Variants in TRIP6 observed in about 807,000 individuals in gnomAD.
The protein encoded by TRIP6 is thyroid hormone receptor interactor 6.
TRIP6 carries 33 observed loss-of-function variants against 51.9 expected under a neutral mutation model. The observed-to-expected ratio is 0.64, with a 90% confidence interval of 0.48 to 0.85. The LOEUF is 0.85. Ranked by LOEUF, TRIP6 falls within the 40% of genes least tolerant of loss-of-function variation. The probability of loss-of-function intolerance (pLI) is 0.00; values close to 1 mark genes in which losing one functional copy is unlikely to be tolerated. For missense variants in TRIP6, 661 were observed against 652.1 expected (o/e 1.01, Z -0.15); for synonymous variants, 255 against 275.8 (o/e 0.92, Z 0.75).
In TRIP6 at chr7:100,871,857, A is replaced by T. The variant is rs1815278917; in HGVS notation, c.1178+136A>T. On this transcript the variant is annotated intron_variant, in intron 7 of 8. Coordinates refer to ENST00000200457, the MANE Select transcript of TRIP6 (RefSeq NM_003302.3). The stretch of plus-strand genomic sequence containing the variant: ...TCTTTGTTATTGTTATTTTTTAGAG[A>T]CGGAGTTTCACTCTGTTGCCCAGGC... 27 of 1,178,964 alleles carry T rather than the reference A, an allele frequency of 2.3e-5. No individual in the cohort carries two copies. In the South Asian group the frequency reaches 4.2e-4, roughly 18 times the overall value. The allele number at this position is 1,178,964 out of a possible 1,614,324, so 73.0% of individuals were successfully genotyped here.
At chr7:100,872,383 G>A (rs528570314) in intron 7 of TRIP6, among the ~76,000 whole-genome samples, 127 of 152,024 alleles carry the variant, frequency 8.4e-4, no homozygotes, top group Non-Finnish European at 1.1e-3. Context: ...TGCCTAGGCT[G>A]GTCTTGAACG....
At position 100,868,691 on chromosome 7, in the gene TRIP6, G is replaced by T. The variant is rs1815203726; in HGVS notation, c.560G>T (p.Gly187Val). The T allele has an allele frequency of 6.2e-7, 1 of 1,600,324 alleles. No homozygotes were observed. Among genetic ancestry groups the T allele is most frequent in the South Asian group, 1.1e-5 (1 of 90,032 alleles). Residue 187 changes from glycine to valine, a missense_variant, in exon 4 of 9, where the codon GGA becomes GTA. Transcript: ENST00000200457. ...PVRGCGPPRRGASQASGPLPG... is the reference protein window; with the variant it reads ...PVRGCGPPRRVASQASGPLPG... ...AGGGGCTGCGGCCCACCCAGGCGGG[G>T]AGCCTCTCAGGCCTCTGGGCCCCTC...
chr7:100,871,767 G>A lies in TRIP6; in HGVS notation c.1178+46G>A, dbSNP rs372648130. On this transcript the variant is annotated intron_variant, in intron 7 of 8. Coordinates refer to ENST00000200457, the MANE Select transcript of TRIP6 (RefSeq NM_003302.3). ...TGTCTCACAATGTCTGACCTTTCCT[G>A]TCTCTCTCATCTCTTCATGCCCCAG... The A allele has an allele frequency of 4.4e-6, 7 of 1,595,066 alleles. No individual in the cohort carries two copies. In the South Asian group the frequency reaches 7.8e-5, roughly 18 times the overall value.
chr7:100,870,291 C>A, intron 4 of TRIP6, 79 bp from the exon 5 acceptor site: 1 of 1,443,188 alleles, frequency 6.9e-7, no homozygotes, highest in Non-Finnish European at 9.5e-7. Flanking sequence ...TCCTAACAGG[C>A]CATGGCCTGG....
rs1435890693 is a variant in TRIP6 at position 100,867,946 on chromosome 7, G to A, written c.195G>A (p.Gly65=). The A allele has an allele frequency of 4.0e-6, 6 of 1,514,540 alleles. No homozygotes were observed. In the South Asian group the frequency reaches 8.1e-5, roughly 20 times the overall value. 93.8% of individuals were successfully genotyped at this position (1,514,540 alleles called of 1,614,324 possible). A position where few individuals can be genotyped will look rare whatever the true frequency, so the allele number is the denominator to read the frequency against. ...CCCCAGGGGGACCGGAGGATCGGGG[G>A]CCGGCGTGGGTGGGGTCCCATGGAG... ...YQAPGGPEDR[G]PAWVGSHGVL... is the part of the protein sequence containing the mutation. Residue 65 remains glycine, a synonymous_variant, in exon 2 of 9, where the codon GGG becomes GGA. Transcript: ENST00000200457. The surrounding 1 kb of genome is among the most constrained non-coding windows in gnomAD (Gnocchi z 5.4).
chr7:100,870,827 C>A, intron 6 of TRIP6, 84 bp downstream of exon 6: 1 of 1,499,444 alleles, frequency 6.7e-7, no homozygotes, highest in Non-Finnish European at 8.9e-7. Flanking sequence ...GCGTCCAAGA[C>A]CAAAGGAGGA....
chr7:100,872,178 C>T lies in TRIP6; in HGVS notation c.1179-446C>T, dbSNP rs1054957434. Among the ~76,000 whole-genome samples, 7 of 120,616 alleles carry T rather than the reference C, an allele frequency of 5.8e-5. No individual in the cohort carries two copies. The Admixed American group carries it at 7.4e-4, about 13-fold the overall frequency. 79.1% of individuals were successfully genotyped at this position (120,616 alleles called of 152,430 possible). A position where few individuals can be genotyped will look rare whatever the true frequency, so the allele number is the denominator to read the frequency against. ...TACGGGCGCATGCCACCACGCCTGG[C>T]TAGTTTTTTTTTTTTTTTTTTTTTT... On this transcript the variant is annotated intron_variant, in intron 7 of 8. Coordinates refer to ENST00000200457, the MANE Select transcript of TRIP6 (RefSeq NM_003302.3).
Position 100,868,205 on chromosome 7 carries a change from G to C in TRIP6, c.335G>C (p.Gly112Ala). The change falls in exon 3 of 9, where the codon GGT becomes GCT. Residue 112 changes from glycine (G) to alanine (A), a missense_variant. Transcript: ENST00000200457. ...STLAELNGGR[G>A]HASRRPDRQA... ...CTGGCCGAGCTGAATGGGGGTCGGG[G>C]TCATGCGTCACGGCGACCAGACCGA... The C allele has an allele frequency of 6.2e-7, 1 of 1,608,962 alleles. No individual in the cohort carries two copies.
At position 100,868,631 on chromosome 7, in the gene TRIP6, C is replaced by T. The variant is rs1815201866; in HGVS notation, c.500C>T (p.Ala167Val). 6.2e-7 allele frequency: 1 copy of T among 1,612,062 alleles called. No homozygotes were observed. Among genetic ancestry groups the T allele is most frequent in the Admixed American group, 1.7e-5 (1 of 59,926 alleles). ...YTTASTPAGP[A>V]FPVQVKVAQP... The stretch of plus-strand genomic sequence containing the variant: ...ACCGCCAGCACCCCGGCTGGCCCAG[C>T]CTTCCCCGTGCAAGTGAAGGTGGCA... The change falls in exon 4 of 9, where the codon GCC becomes GTC. Residue 167 changes from alanine (A) to valine (V), a missense_variant. Transcript: ENST00000200457.
intron 4 of TRIP6, among the ~76,000 whole-genome samples, chr7:100,869,953 G>A (rs559255434): frequency 6.6e-6 from 1 of 151,862 alleles, no homozygotes; most frequent in Non-Finnish European, 1.5e-5. Context: ...ATATTACAAT[G>A]TAATATATAC....
At position 100,872,624 on chromosome 7, in the gene TRIP6, G is replaced by C. The variant is rs1237866282; in HGVS notation, c.1179G>C (p.Arg393Ser). Residue 393 changes from arginine (R) to serine (S), a missense_variant and splice_region_variant, in exon 8 of 9, where the codon AGG becomes AGC. Physicochemically the swap from Arg to Ser is moderately radical, Grantham distance 110. Coordinates refer to ENST00000200457, the MANE Select transcript of TRIP6 (RefSeq NM_003302.3). The part of the protein sequence containing the change: ...SQIHCIEDFH[R>S]KFAPRCSVCG... Reference sequence around the variant, plus strand: ...CCTTCTTGGTTCTCTTCCCCTGCAGGAAGTTTGCCCCAAGATGCTCAGTGT... The same window carrying C: ...CCTTCTTGGTTCTCTTCCCCTGCAGCAAGTTTGCCCCAAGATGCTCAGTGT... The C allele has an allele frequency of 4.3e-6, 7 of 1,613,984 alleles. No homozygotes were observed. The highest frequency in any genetic ancestry group is 5.1e-6 in the Non-Finnish European group (6 of 1,179,924).
chr7:100,870,878 A>G, intron 6 of TRIP6, 135 bp downstream of exon 6: 2 of 1,256,924 alleles, frequency 1.6e-6, no homozygotes, highest in Non-Finnish European at 2.2e-6. Flanking sequence ...ATGTACAAAC[A>G]GGGCGGAATT....
At position 100,868,156 on chromosome 7, in the gene TRIP6, G is replaced by A. The variant is rs1227687253; in HGVS notation, c.286G>A (p.Glu96Lys). ...CCTTCGCCCTGGAAGCCTGGACGCC[G>A]AGATAGACTTGCTGAGCAGCACGCT... ...GGLRPGSLDA[E>K]IDLLSSTLAE... The change falls in exon 3 of 9, where the codon GAG becomes AAG. Residue 96 changes from glutamate (E) to lysine (K), a missense_variant. Transcript: ENST00000200457. 1.2e-6 allele frequency: 2 copies of A among 1,611,576 alleles called. No homozygotes were observed. The highest frequency in any genetic ancestry group is 1.1e-5 in the South Asian group (1 of 90,922).
chr7:100,867,723 G>C lies in TRIP6; in HGVS notation c.109+117G>C. On this transcript the variant is annotated intron_variant, in intron 1 of 8. Transcript: ENST00000200457. This position sits in a 1 kb window ranked among gnomAD's most constrained non-coding sequence, Gnocchi z 5.4. ...CTGCCCCTTCCCCAAGCCGAGGCGG[G>C]GGGAACAGCCGCCTGCGCTCTCTTG... is the stretch of plus-strand genomic sequence containing the variant. 6.6e-7 allele frequency: 1 copy of C among 1,524,080 alleles called. No individual in the cohort carries two copies. The highest frequency in any genetic ancestry group is 8.8e-7 in the Non-Finnish European group (1 of 1,132,284). The allele number at this position is 1,524,080 out of a possible 1,614,324, so 94.4% of individuals were successfully genotyped here. A position where few individuals can be genotyped will look rare whatever the true frequency, so the allele number is the denominator to read the frequency against.
chr7:100,868,800 CA>C lies in TRIP6; in HGVS notation c.672del (p.Glu225ArgfsTer24). The C allele has an allele frequency of 6.6e-7, 1 of 1,524,698 alleles. No homozygotes were observed. The highest frequency in any genetic ancestry group is 8.8e-7 in the Non-Finnish European group (1 of 1,140,754). 94.4% of individuals were successfully genotyped at this position (1,524,698 alleles called of 1,614,324 possible). On this transcript the variant is annotated frameshift_variant, in exon 4 of 9. Coordinates refer to ENST00000200457, the MANE Select transcript of TRIP6 (RefSeq NM_003302.3). LOFTEE classifies it high-confidence loss of function. ...GCCAGAGAGAGCCAGGGCCAGGGGC[CA>C]AAGAGGAAGCTGCTGGGGTCTCTGG... ...RSQREPGPGA[K>X]EEAAGVSGPA... is the part of the protein sequence containing the mutation.
Position 100,868,134 on chromosome 7 carries a change from T to C in TRIP6, c.264T>C (p.Leu88=). 6.2e-7 allele frequency: 1 copy of C among 1,611,956 alleles called. No homozygotes were observed. The highest frequency in any genetic ancestry group is 8.5e-7 in the Non-Finnish European group (1 of 1,179,376). The change falls in exon 3 of 9, where the codon CTT becomes CTC. Residue 88 remains leucine, a synonymous_variant. Coordinates refer to ENST00000200457, the MANE Select transcript of TRIP6 (RefSeq NM_003302.3). ...GGCTCCCTGCAGACAGGGGGGGCCTTCGCCCTGGAAGCCTGGACGCCGAGA... is the reference window on the plus strand; with the variant it reads ...GGCTCCCTGCAGACAGGGGGGGCCTCCGCCCTGGAAGCCTGGACGCCGAGA... ...TQGLPADRGG[L]RPGSLDAEID...
chr7:100,867,518 GC>G lies in TRIP6; in HGVS notation c.26del (p.Pro9ArgfsTer89). ...AGGCCATGTCGGGGCCCACCTGGCT[GC>G]CCCCGAAGCAGCCGGAGCCCGCCAG... MSGPTWL[P>X]PKQPEPARAP... On this transcript the variant is annotated frameshift_variant, in exon 1 of 9. Transcript: ENST00000200457. LOFTEE classifies it high-confidence loss of function. This position sits in a 1 kb window ranked among gnomAD's most constrained non-coding sequence, Gnocchi z 5.4. 2 of 1,506,628 alleles carry G rather than the reference GC, an allele frequency of 1.3e-6. No homozygotes were observed. The highest frequency in any genetic ancestry group is 1.8e-6 in the Non-Finnish European group (2 of 1,129,722). 93.3% of individuals were successfully genotyped at this position (1,506,628 alleles called of 1,614,324 possible).
chr7:100,873,326 G>C lies in TRIP6; in HGVS notation c.*23G>C. 1 of 1,586,468 alleles carries C rather than the reference G, an allele frequency of 6.3e-7. No homozygotes were observed. Among genetic ancestry groups the C allele is most frequent in the Non-Finnish European group, 8.6e-7 (1 of 1,159,980 alleles). On this transcript the variant is annotated 3_prime_UTR_variant, in exon 9 of 9. Transcript: ENST00000200457. ...TGAGTCTTCCTAGAAGTACCTGCTG[G>C]GTTCTCAGTTCCAGTTCCCATCCTT...
At position 100,867,783 on chromosome 7, in the gene TRIP6, C is replaced by G; in HGVS notation, c.110-78C>G. On this transcript the variant is annotated intron_variant, in intron 1 of 8. Coordinates refer to ENST00000200457, the MANE Select transcript of TRIP6 (RefSeq NM_003302.3). The surrounding 1 kb of genome is among the most constrained non-coding windows in gnomAD (Gnocchi z 5.4). ...ATTTGGGGGAGGAGGTAACGAGAGG[C>G]GGAGAGGGTGGCTCCTCAAATATAC... 5 of 1,514,714 alleles carry G rather than the reference C, an allele frequency of 3.3e-6. No homozygotes were observed. The South Asian group carries it at 6.7e-5, about 20-fold the overall frequency. The allele number at this position is 1,514,714 out of a possible 1,614,324, so 93.8% of individuals were successfully genotyped here.
Sources: allele counts gnomAD v4.1 joint callset (sites outside exome capture counted in the v4.1 genomes callset), GRCh38; gene constraint gnomAD v4.1.1; non-coding constraint Gnocchi (gnomAD v3.1); transcripts MANE v1.5; gene names NCBI Gene and HGNC (gene_info 2026-07-23, HGNC 2026-07-21).